RPSA2: variants seen among roughly 807,000 people sequenced by gnomAD.
The protein encoded by RPSA2 is small ribosomal subunit protein uS2B.
At chr19:23,865,673 T>C in the RPSA2 span, among the ~76,000 whole-genome samples, 1 of 152,132 alleles carries the variant, frequency 6.6e-6, no homozygotes, top group Non-Finnish European at 1.5e-5. Flanking sequence ...TGCCACCCCC[T>C]CCAATAACAG....
chr19:23,775,062 T>G, the RPSA2 span, among the ~76,000 whole-genome samples: 2 of 152,320 alleles, frequency 1.3e-5, no homozygotes, highest in Admixed American at 1.3e-4. Flanking sequence ...TGAGTAAGAT[T>G]CTGGCTCTCC....
At chr19:23,807,926 C>A in the RPSA2 span, 1 of 344,660 alleles carries the variant, frequency 2.9e-6, no homozygotes, top group African/African-American at 2.2e-5. Context: ...GTTATGAAAA[C>A]CTGGCCTTCC....
At chr19:23,832,033 C>G in the RPSA2 span, 3 of 436,100 alleles carry the variant, frequency 6.9e-6, no homozygotes, top group Non-Finnish European at 1.4e-5. Context: ...TAAGAAAATT[C>G]ATACTGAACA....
the RPSA2 span, chr19:23,808,849 G>A: frequency 5.5e-6 from 3 of 544,516 alleles, no homozygotes; most frequent in South Asian, 3.9e-5. Flanking sequence ...CAACATGGAT[G>A]AGAGGCCCAA....
At chr19:23,827,103 G>A in the RPSA2 span, 1 of 749,984 alleles carries the variant, frequency 1.3e-6, no homozygotes, top group Admixed American at 2.0e-5. Flanking sequence ...GCTACCTGCA[G>A]AGGGGTCCAT....
chr19:23,867,950 C>G, the RPSA2 span, among the ~76,000 whole-genome samples: 1 of 151,966 alleles, frequency 6.6e-6, no homozygotes, highest in African/African-American at 2.4e-5. Flanking sequence ...GTGGGTGGAT[C>G]AATGGCCCCT....
chr19:23,765,521 G>A, the RPSA2 span, among the ~76,000 whole-genome samples: 1 of 152,076 alleles, frequency 6.6e-6, no homozygotes, highest in Non-Finnish European at 1.5e-5. Flanking sequence ...ATTATTCTTA[G>A]CAAACTAACA....
the RPSA2 span, among the ~76,000 whole-genome samples, chr19:23,766,142 C>CTTTTTTTTTTTTTTTTTTTTTTTTT: frequency 4.9e-4 from 21 of 43,260 alleles, 10 homozygotes; most frequent in Non-Finnish European, 5.0e-4. Flanking sequence ...TATTTCATTT[C>CTTTTTTTTTTTTTTTTTTTTTTTTT]CTTTTTTTTT....
chr19:23,774,994 C>T, the RPSA2 span, among the ~76,000 whole-genome samples: 1 of 152,150 alleles, frequency 6.6e-6, no homozygotes, highest in Non-Finnish European at 1.5e-5. Context: ...TGTTTACTCT[C>T]ATATCAAAAA....
At chr19:23,850,455 T>G in the RPSA2 span, among the ~76,000 whole-genome samples, 1 of 133,902 alleles carries the variant, frequency 7.5e-6, no homozygotes, top group Non-Finnish European at 1.6e-5. Context: ...CCATTGCCAT[T>G]AGGGAGGATT....
the RPSA2 span, among the ~76,000 whole-genome samples, chr19:23,861,780 G>A: frequency 0.012 from 1,803 of 152,238 alleles, 40 homozygotes; most frequent in African/African-American, 0.04. Flanking sequence ...CTGTTGAATA[G>A]CTAGGCTGTA....
chr19:23,764,222 T>C, the RPSA2 span, among the ~76,000 whole-genome samples: 1 of 152,164 alleles, frequency 6.6e-6, no homozygotes, highest in African/African-American at 2.4e-5. Flanking sequence ...CTTCCTAATG[T>C]ATGGCAAGCA....
chr19:23,778,557 A>T, the RPSA2 span, among the ~76,000 whole-genome samples: 6 of 151,942 alleles, frequency 3.9e-5, no homozygotes, highest in Non-Finnish European at 7.4e-5. Flanking sequence ...AGAGATCGTG[A>T]CCTATCTCTG....
At chr19:23,780,174 CTCGTATA>C in the RPSA2 span, among the ~76,000 whole-genome samples, 11 of 152,220 alleles carry the variant, frequency 7.2e-5, no homozygotes, top group Admixed American at 2.6e-4. Context: ...TTACCACTCT[CTCGTATA>C]TTGTATAAAG....
At chr19:23,811,528 T>A in the RPSA2 span, among the ~76,000 whole-genome samples, 6 of 150,532 alleles carry the variant, frequency 4.0e-5, no homozygotes, top group Middle Eastern at 3.4e-3. Flanking sequence ...TTTTTTTTTT[T>A]ATCTTGTTAA....
At chr19:23,758,636 C>T in the RPSA2 span, 1 of 1,557,104 alleles carries the variant, frequency 6.4e-7, no homozygotes, top group Non-Finnish European at 8.9e-7. Flanking sequence ...GGACTGAGGC[C>T]GCCTGGGCGA....
chr19:23,868,657 T>A, the RPSA2 span, among the ~76,000 whole-genome samples: 1 of 152,174 alleles, frequency 6.6e-6, no homozygotes, highest in Non-Finnish European at 1.5e-5. Flanking sequence ...TTAGGAAAGT[T>A]TATCTGAAAT....
the RPSA2 span, among the ~76,000 whole-genome samples, chr19:23,820,446 C>T: frequency 5.3e-5 from 8 of 152,236 alleles, no homozygotes; most frequent in East Asian, 3.9e-4. Context: ...AGAGTAACTC[C>T]GGGTCTCCTG....
chr19:23,847,405 A>T, the RPSA2 span, among the ~76,000 whole-genome samples: 1 of 152,210 alleles, frequency 6.6e-6, no homozygotes, highest in Non-Finnish European at 1.5e-5. Context: ...AAAGAGAAAG[A>T]GTACAAAGAG....
Sources: allele counts gnomAD v4.1 joint callset (sites outside exome capture counted in the v4.1 genomes callset), GRCh38; gene constraint gnomAD v4.1.1; transcripts MANE v1.5; gene names NCBI Gene and HGNC (gene_info 2026-07-23, HGNC 2026-07-21).